Variants in PDE4D observed in about 807,000 individuals in gnomAD.
PDE4D encodes phosphodiesterase 4D, also known as 3',5'-cyclic-AMP phosphodiesterase 4D.
In PDE4D, 24 loss-of-function variants were observed where a neutral mutation model predicts 87.4. The observed-to-expected ratio is 0.27, with a 90% CI of 0.20 to 0.39. PDE4D has a LOEUF of 0.39. Ranked by LOEUF, PDE4D falls within the 10% of genes least tolerant of loss-of-function variation. The probability of loss-of-function intolerance (pLI) is 1.00; values close to 1 mark genes in which losing one functional copy is unlikely to be tolerated. For missense variants in PDE4D, 714 were observed against 1,041.0 expected, an observed-to-expected ratio of 0.69 and a Z score of 4.32; for synonymous variants, 384 against 383.2, an observed-to-expected ratio of 1.00 and a Z score of -0.02.
At chr5:59,041,728 A>G (rs975457976) in intron 5 of PDE4D, among the ~76,000 whole-genome samples, 1 of 152,180 alleles carries the variant, frequency 6.6e-6, no homozygotes, top group African/African-American at 2.4e-5. Flanking sequence ...GTAGCTAAGT[A>G]AACTGCCCCC....
At chr5:60,154,699 C>A (rs2149448455) in intron 2 of PDE4D, among the ~76,000 whole-genome samples, 1 of 152,326 alleles carries the variant, frequency 6.6e-6, no homozygotes, top group Non-Finnish European at 1.5e-5. Context: ...ATATTATCAG[C>A]ACCCAGAAGT....
intron 1 of PDE4D, among the ~76,000 whole-genome samples, chr5:59,322,924 A>T (rs1196659220): frequency 2.0e-5 from 3 of 152,138 alleles, no homozygotes; most frequent in Non-Finnish European, 4.4e-5. Context: ...AGCAAATGTC[A>T]TTGGTATTTT....
intron 1 of PDE4D, among the ~76,000 whole-genome samples, chr5:59,253,452 T>C (rs1267498864): frequency 2.0e-5 from 3 of 152,116 alleles, no homozygotes; most frequent in Non-Finnish European, 2.9e-5. Flanking sequence ...GCATCTTTAT[T>C]ACTTCCATTA....
intron 1 of PDE4D, among the ~76,000 whole-genome samples, chr5:60,223,288 G>T (rs1360488500): frequency 6.6e-6 from 1 of 152,084 alleles, no homozygotes; most frequent in East Asian, 1.9e-4. Flanking sequence ...CTAATTAACA[G>T]TATAAACATA....
chr5:59,309,871 C>T (rs994336878), intron 1 of PDE4D, among the ~76,000 whole-genome samples: 1 of 152,128 alleles, frequency 6.6e-6, no homozygotes, highest in Non-Finnish European at 1.5e-5. Flanking sequence ...CTGCCAGTAA[C>T]ATTTTGGTGT....
chr5:59,948,203 T>C (rs1426346893), intron 3 of PDE4D, among the ~76,000 whole-genome samples: 1 of 152,200 alleles, frequency 6.6e-6, no homozygotes. Context: ...TTCCCACTCT[T>C]GAGTTATTCT....
chr5:59,271,862 G>T (rs961943015), intron 1 of PDE4D, among the ~76,000 whole-genome samples: 1 of 151,056 alleles, frequency 6.6e-6, no homozygotes, highest in Non-Finnish European at 1.5e-5. Context: ...CATACAATAT[G>T]CAAATACAGT....
At chr5:59,931,555 C>T (rs1755922966) in intron 3 of PDE4D, among the ~76,000 whole-genome samples, 1 of 152,128 alleles carries the variant, frequency 6.6e-6, no homozygotes, top group South Asian at 2.1e-4. Context: ...TCAGGTCTCT[C>T]TTCCTCTCCT....
At chr5:60,043,162 A>G (rs1768723967) in intron 2 of PDE4D, among the ~76,000 whole-genome samples, 2 of 151,906 alleles carry the variant, frequency 1.3e-5, no homozygotes, top group Admixed American at 6.6e-5. Flanking sequence ...ACAAGTATCA[A>G]TAGCCAAATT....
chr5:59,185,984 A>T (rs1370468091), intron 3 of PDE4D, among the ~76,000 whole-genome samples: 1 of 152,184 alleles, frequency 6.6e-6, no homozygotes, highest in Admixed American at 6.5e-5. Flanking sequence ...GCTTTTTCTA[A>T]TTCCAGTTGG....
intron 1 of PDE4D, among the ~76,000 whole-genome samples, chr5:59,649,931 T>TTTTTTTTTTTTTTTTTTTTTTTC (rs1474090994): frequency 1.4e-5 from 2 of 141,262 alleles, no homozygotes; most frequent in Admixed American, 7.3e-5. Context: ...TTTTTTTTTT[T>TTTTTTTTTTTTTTTTTTTTTTTC]TAGCAATGAC....
intron 1 of PDE4D, among the ~76,000 whole-genome samples, chr5:59,875,881 T>C (rs1478081947): frequency 2.6e-5 from 4 of 152,142 alleles, no homozygotes; most frequent in Non-Finnish European, 5.9e-5. Flanking sequence ...ATACCACATG[T>C]TCTCACTTAG....
intron 1 of PDE4D, chr5:60,459,959 C>T: frequency 1.3e-6 from 1 of 746,166 alleles, no homozygotes; most frequent in Non-Finnish European, 2.4e-6. Flanking sequence ...TCCTCCTCTT[C>T]ATCATCATCA....
At chr5:59,561,579 A>G (rs1819989804) in intron 1 of PDE4D, among the ~76,000 whole-genome samples, 1 of 152,216 alleles carries the variant, frequency 6.6e-6, no homozygotes, top group African/African-American at 2.4e-5. Flanking sequence ...GTGTACATTT[A>G]TTCTAATTAC....
chr5:59,628,980 C>A (rs1005091898), intron 1 of PDE4D, among the ~76,000 whole-genome samples: 1 of 151,946 alleles, frequency 6.6e-6, no homozygotes, highest in Non-Finnish European at 1.5e-5. Flanking sequence ...AGGAGAAGTG[C>A]CAAACAAAAA....
chr5:59,590,952 A>T (rs1336932655), intron 1 of PDE4D, among the ~76,000 whole-genome samples: 1 of 152,130 alleles, frequency 6.6e-6, no homozygotes, highest in Non-Finnish European at 1.5e-5. Flanking sequence ...TCTCATGGTT[A>T]TAGGGTTATG....
chr5:59,246,855 T>C (rs1758941195), intron 1 of PDE4D, among the ~76,000 whole-genome samples: 1 of 152,202 alleles, frequency 6.6e-6, no homozygotes, highest in African/African-American at 2.4e-5. Context: ...TACTACTTTG[T>C]CAGAACTCTA....
At chr5:59,452,470 C>G (rs762525899) in intron 1 of PDE4D, among the ~76,000 whole-genome samples, 1 of 152,142 alleles carries the variant, frequency 6.6e-6, no homozygotes, top group African/African-American at 2.4e-5. Context: ...GCAACTACCG[C>G]CCCTGGACTA....
At position 60,035,255 on chromosome 5, in the gene PDE4D, C is replaced by CA. The variant is rs55913764; in HGVS notation, c.43-46539dup. 4.2e-3 allele frequency among the ~76,000 whole-genome samples: 534 copies of CA among 126,422 alleles called. 2 individuals carry two copies. Among genetic ancestry groups the CA allele is most frequent in the Middle Eastern group, 8.3e-3 (2 of 240 alleles). The allele number at this position is 126,422 out of a possible 152,430, so 82.9% of individuals were successfully genotyped here. The stretch of plus-strand genomic sequence containing the variant: ...TGGGCAACAGAGCGAGACTCCGTCT[C>CA]AAAAAAAAAAAAAAAGGGCATACTT... On this transcript the variant is annotated intron_variant, in intron 2 of 16. Coordinates refer to the PDE4D transcript ENST00000502484.
Sources: gnomAD v4.1 joint callset for allele counts (sites outside exome capture counted in the v4.1 genomes callset) on GRCh38, gnomAD v4.1.1 for gene constraint, MANE v1.5 for transcripts, NCBI Gene and HGNC (gene_info 2026-07-23, HGNC 2026-07-21) for gene names.